Variants in CFAP92 observed in about 807,000 individuals in gnomAD.
CFAP92 encodes the protein uncharacterized protein CFAP92.
In CFAP92, 86 loss-of-function variants were observed where a neutral mutation model predicts 106.3. The observed-to-expected ratio is 0.81, with a 90% CI of 0.68 to 0.97. The LOEUF (loss-of-function observed/expected upper bound fraction) is 0.97. CFAP92 is among the 50% of genes least tolerant of loss of function. The pLI is 0.00. For missense variants in CFAP92, 1,204 were observed against 1,283.8 expected, an observed-to-expected ratio of 0.94 and a Z score of 0.95; for synonymous variants, 477 against 506.4, an observed-to-expected ratio of 0.94 and a Z score of 0.78.
At chr3:128,985,235 G>A (rs1331027962) in intron 4 of CFAP92, among the ~76,000 whole-genome samples, 1 of 152,146 alleles carries the variant, frequency 6.6e-6, no homozygotes, top group Admixed American at 6.6e-5. Flanking sequence ...AAGGCAGGAG[G>A]ATTGCTTAAG....
intron 10 of CFAP92, among the ~76,000 whole-genome samples, chr3:128,939,362 C>T (rs375065196): frequency 8.5e-5 from 13 of 152,072 alleles, no homozygotes; most frequent in Non-Finnish European, 1.8e-4. Context: ...TGGTCTCAAA[C>T]TCCTGACCTT....
At chr3:129,018,847 A>G in the CFAP92 span, among the ~76,000 whole-genome samples, 3 of 152,086 alleles carry the variant, frequency 2.0e-5, no homozygotes, top group African/African-American at 7.2e-5. Context: ...CACATGTCTC[A>G]CTGTGCCTCT....
chr3:129,009,905 T>G, the CFAP92 span, among the ~76,000 whole-genome samples: 2 of 152,154 alleles, frequency 1.3e-5, no homozygotes, highest in Non-Finnish European at 2.9e-5. Context: ...ATCCAGGTGA[T>G]TCAGGGCTCA....
intron 9 of CFAP92, among the ~76,000 whole-genome samples, chr3:128,963,296 T>G (rs1055595199): frequency 3.9e-5 from 6 of 152,210 alleles, no homozygotes; most frequent in African/African-American, 1.4e-4. Context: ...GTAGCCTTTC[T>G]GTCCAAACAA....
Position 128,910,178 on chromosome 3 carries a change from C to G in CFAP92, c.*121G>C. On this transcript the variant is annotated 3_prime_UTR_variant, in exon 16 of 16. Coordinates refer to ENST00000645291, the MANE Select transcript of CFAP92 (RefSeq NM_001394090.1). ...AGCCCAGCCCAGCCTCACACAGGGCCTGGCTGCTGCCATCTGTCCTGCTGC... is the reference window on the plus strand; with the variant it reads ...AGCCCAGCCCAGCCTCACACAGGGCGTGGCTGCTGCCATCTGTCCTGCTGC... The G allele has an allele frequency of 6.2e-7, 1 of 1,613,718 alleles. No individual in the cohort carries two copies.
intron 12 of CFAP92, among the ~76,000 whole-genome samples, chr3:128,927,191 A>G (rs1177973479): frequency 6.6e-6 from 1 of 152,168 alleles, no homozygotes; most frequent in African/African-American, 2.4e-5. Flanking sequence ...CCTACAAGCC[A>G]AGAGAAAAGG....
chr3:129,021,045 C>T, the CFAP92 span, among the ~76,000 whole-genome samples: 5 of 152,090 alleles, frequency 3.3e-5, no homozygotes, highest in East Asian at 5.8e-4. Context: ...TCTGGAAATT[C>T]GTGGGGAGGA....
the CFAP92 span, among the ~76,000 whole-genome samples, chr3:129,017,909 A>C: frequency 6.6e-6 from 1 of 152,174 alleles, no homozygotes; most frequent in Non-Finnish European, 1.5e-5. Flanking sequence ...AGTTAACCTC[A>C]GAGAAGTGAA....
the CFAP92 span, among the ~76,000 whole-genome samples, chr3:129,014,902 A>C: frequency 7.9e-5 from 12 of 152,208 alleles, no homozygotes; most frequent in Middle Eastern, 3.4e-3. This position sits in a 1 kb window ranked among gnomAD's most constrained non-coding sequence, Gnocchi z 4.3. Context: ...TCACCTGTAC[A>C]CACGGAGTCC....
At chr3:128,910,521 G>C (rs1435910781) in intron 15 of CFAP92, among the ~76,000 whole-genome samples, 188 bp from the exon 16 acceptor site, 1 of 152,204 alleles carries the variant, frequency 6.6e-6, no homozygotes, top group Admixed American at 6.5e-5. Flanking sequence ...TGTGACATCT[G>C]CCTTTCAGAG....
At chr3:129,026,260 C>G in the CFAP92 span, among the ~76,000 whole-genome samples, 1 of 152,198 alleles carries the variant, frequency 6.6e-6, no homozygotes, top group Admixed American at 6.5e-5. Flanking sequence ...CAGTCCACCC[C>G]AGGCAGCCTG....
At chr3:128,953,238 G>C (rs991995018) in intron 9 of CFAP92, among the ~76,000 whole-genome samples, 1 of 152,122 alleles carries the variant, frequency 6.6e-6, no homozygotes, top group African/African-American at 2.4e-5. Context: ...AATCTGGGCC[G>C]GGCGCGGTGG....
chr3:128,993,492 G>A (rs1944349764), intron 1 of CFAP92, 156 bp from the exon 2 acceptor site: 1 of 686,520 alleles, frequency 1.5e-6, no homozygotes, highest in South Asian at 1.9e-5. Context: ...CTGCCACACA[G>A]TCGGTACTCA....
the CFAP92 span, among the ~76,000 whole-genome samples, chr3:129,012,482 A>G: frequency 6.6e-6 from 1 of 152,108 alleles, no homozygotes; most frequent in South Asian, 2.1e-4. Context: ...ACATGGCTGC[A>G]GGGACCCCAG....
intron 2 of CFAP92, chr3:128,991,850 TG>T (rs1321742631): frequency 1.1e-5 from 11 of 987,628 alleles, no homozygotes; most frequent in Non-Finnish European, 1.3e-5. Context: ...AGTAAGCAGA[TG>T]AAAACAAAAC....
chr3:128,985,270 G>C (rs772497356), intron 4 of CFAP92, among the ~76,000 whole-genome samples: 1 of 152,084 alleles, frequency 6.6e-6, no homozygotes, highest in Non-Finnish European at 1.5e-5. Context: ...ACCAGCTTGG[G>C]TAACACAGTA....
the CFAP92 span, among the ~76,000 whole-genome samples, chr3:129,017,660 C>T: frequency 2.0e-5 from 3 of 152,218 alleles, no homozygotes; most frequent in Non-Finnish European, 4.4e-5. Context: ...TCTCACACTT[C>T]ACATCTCTCT....
upstream of CFAP92, among the ~76,000 whole-genome samples, chr3:128,998,605 A>G (rs1944569503): frequency 6.6e-6 from 1 of 152,208 alleles, no homozygotes; most frequent in East Asian, 1.9e-4. Flanking sequence ...AAATCACTCA[A>G]GATATGGCAC....
In CFAP92 at chr3:128,993,216, T is replaced by G. The variant is rs1381724140; in HGVS notation, c.89A>C (p.Glu30Ala). The change falls in exon 2 of 16, where the codon GAG (glutamate) becomes GCG (alanine). Residue 30 changes from glutamate (E) to alanine (A), a missense_variant. Coordinates refer to ENST00000645291, the MANE Select transcript of CFAP92 (RefSeq NM_001394090.1). ...SITSFYQSTS[E>A]CDVEEHLKAK... is the part of the protein sequence containing the mutation. ...CTTCAGGTGTTCCTCCACGTCACAC[T>G]CGCTCGTGGACTGGTAAAAGCTAGT... is the stretch of plus-strand genomic sequence containing the variant. 2 of 1,614,030 alleles carry G rather than the reference T, an allele frequency of 1.2e-6. No individual in the cohort carries two copies. The highest frequency in any genetic ancestry group is 1.7e-6 in the Non-Finnish European group (2 of 1,179,890).
Sources: allele counts gnomAD v4.1 joint callset (sites outside exome capture counted in the v4.1 genomes callset), GRCh38; gene constraint gnomAD v4.1.1; non-coding constraint Gnocchi (gnomAD v3.1); transcripts MANE v1.5; gene names NCBI Gene and HGNC (gene_info 2026-07-23, HGNC 2026-07-21).